Variants in CYB5R3 observed in about 807,000 individuals in gnomAD.
The protein encoded by CYB5R3 is NADH-cytochrome b5 reductase 3.
Under a neutral mutation model 36.5 loss-of-function variants are expected in CYB5R3, and 28 were observed. The ratio of observed to expected loss-of-function variants is 0.77; its 90% CI spans 0.57 to 1.05. The LOEUF is 1.05. Ranked by LOEUF, CYB5R3 falls within the 50% of genes least tolerant of loss-of-function variation. The pLI, the probability that CYB5R3 is intolerant of heterozygous loss-of-function variation, is 0.00. For synonymous variants in CYB5R3, 181 were observed against 159.8 expected (o/e 1.13, Z -1.00); for missense variants, 474 against 408.9 (o/e 1.16, Z -1.37).
rs548599088 is a variant in CYB5R3, at chr22:42,622,505, C to G, written c.733+1284G>C. ...CAGGACAGCAGGTCCAGCCAGAGGC[C>G]GGACACGGTGACAACCCACACATCC... On this transcript the variant is annotated intron_variant, in intron 8 of 8. Transcript: ENST00000352397. Among the ~76,000 whole-genome samples the G allele has an allele frequency of 3.3e-5, 5 of 152,222 alleles. No individual in the cohort carries two copies. In the East Asian group the frequency reaches 7.7e-4, roughly 23 times the overall value.
At chr22:42,644,324 T>C in intron 1 of CYB5R3, 1 of 694,380 alleles carries the variant, frequency 1.4e-6, no homozygotes, top group Admixed American at 2.0e-5. Flanking sequence ...CCTCCTCAAA[T>C]ACCCACCATA....
chr22:42,644,280 G>GCC, intron 1 of CYB5R3: 2 of 654,354 alleles, frequency 3.1e-6, no homozygotes, highest in Non-Finnish European at 5.6e-6. Flanking sequence ...CCTGCCCCCA[G>GCC]CCCCGGGGGT....
chr22:42,641,775 A>C (rs1010000483), intron 1 of CYB5R3, among the ~76,000 whole-genome samples: 1 of 151,954 alleles, frequency 6.6e-6, no homozygotes, highest in Non-Finnish European at 1.5e-5. Flanking sequence ...CATGAGCCAC[A>C]GCGCCTGGCC....
chr22:42,646,864 A>C (rs1233833965), intron 1 of CYB5R3: 1 of 985,420 alleles, frequency 1.0e-6, no homozygotes, highest in Non-Finnish European at 1.2e-6. Context: ...CAGGGACAGT[A>C]GGAAAGCCCG....
chr22:42,622,644 G>C (rs1342827702), intron 8 of CYB5R3, among the ~76,000 whole-genome samples: 1 of 152,198 alleles, frequency 6.6e-6, no homozygotes, highest in Non-Finnish European at 1.5e-5. Context: ...GCTCCTAGGT[G>C]CTAGCCAGGT....
At chr22:42,639,853 T>C (rs1929143184) in intron 1 of CYB5R3, 12 of 1,263,344 alleles carry the variant, frequency 9.5e-6, no homozygotes, top group Non-Finnish European at 1.3e-5. Flanking sequence ...CTTTTTTTTT[T>C]TTTTGGAATT....
rs753499270 is a variant in CYB5R3 at position 42,636,732 on chromosome 22, G to T, written c.136C>A (p.Arg46=). Residue 46 remains arginine (R), a synonymous_variant, in exon 2 of 9, where the codon CGG becomes AGG. Coordinates refer to ENST00000352397, the MANE Select transcript of CYB5R3 (RefSeq NM_000398.7). ...LESPDIKYPL[R]LIDREIISHD... is the part of the protein sequence containing the mutation. ...GCACTCACCTCCCGGTCGATGAGCCGCAGCGGGTACTTGATGTCCGGGCTC... is the reference window on the plus strand; with the variant it reads ...GCACTCACCTCCCGGTCGATGAGCCTCAGCGGGTACTTGATGTCCGGGCTC... 3.1e-6 allele frequency: 5 copies of T among 1,612,474 alleles called. No homozygotes were observed. In the Admixed American group the frequency reaches 5.0e-5, roughly 16 times the overall value.
At chr22:42,624,882 G>A (rs896557024) in intron 7 of CYB5R3, among the ~76,000 whole-genome samples, 8 of 152,116 alleles carry the variant, frequency 5.3e-5, no homozygotes, top group African/African-American at 1.9e-4. Flanking sequence ...CCCACCCTCC[G>A]CGTAGCCCAA....
Position 42,634,508 on chromosome 22 carries a change from G to A in CYB5R3, c.153+2207C>T, listed in dbSNP as rs547547180. On this transcript the variant is annotated intron_variant, in intron 2 of 8. Transcript: ENST00000352397. ...GTCACCCAGGCTGGAGTGCAATGGT[G>A]TGATCTTGGCTCACTGCAACCTCTG... Among the ~76,000 whole-genome samples, 124 of 151,264 alleles carry A rather than the reference G, an allele frequency of 8.2e-4. 2 individuals carry two copies. The highest frequency in any genetic ancestry group is 3.7e-4 in the Non-Finnish European group (25 of 67,822).
At position 42,619,902 on chromosome 22, in the gene CYB5R3, C is replaced by T; in HGVS notation, c.777G>A (p.Arg259=). ...CCTCCTCTGGGGGTGGAAGGTGGTC[C>T]CGGATCATCTCCTCATTCACGAAGC... ...GQGFVNEEMI[R]DHLPPPEEEP... Residue 259 remains arginine, a synonymous_variant, in exon 9 of 9, where the codon CGG becomes CGA. Transcript: ENST00000352397. The T allele has an allele frequency of 6.2e-7, 1 of 1,608,078 alleles. No homozygotes were observed. The highest frequency in any genetic ancestry group is 8.5e-7 in the Non-Finnish European group (1 of 1,177,480).
chr22:42,619,893 A>T lies in CYB5R3; in HGVS notation c.786T>A (p.Leu262=). 1 of 1,608,400 alleles carries T rather than the reference A, an allele frequency of 6.2e-7. No homozygotes were observed. Among genetic ancestry groups the T allele is most frequent in the Non-Finnish European group, 8.5e-7 (1 of 1,177,734 alleles). ...FVNEEMIRDH[L]PPPEEEPLVL... The stretch of plus-strand genomic sequence containing the variant: ...CCAGCGGCTCCTCCTCTGGGGGTGG[A>T]AGGTGGTCCCGGATCATCTCCTCAT... Residue 262 remains leucine, a synonymous_variant, in exon 9 of 9, where the codon CTT becomes CTA. Coordinates refer to ENST00000352397, the MANE Select transcript of CYB5R3 (RefSeq NM_000398.7).
intron 1 of CYB5R3, among the ~76,000 whole-genome samples, chr22:42,639,629 C>CAA (rs112945823): frequency 0.15 from 22,944 of 148,078 alleles, 2,292 homozygotes; most frequent in East Asian, 0.58. Flanking sequence ...GACTCCATCT[C>CAA]AAAAAAAAAA....
At position 42,623,877 on chromosome 22, in the gene CYB5R3, G is replaced by A. The variant is rs1949936802; in HGVS notation, c.645C>T (p.Asp215=). The change falls in exon 8 of 9, where the codon GAC becomes GAT. Residue 215 remains aspartate, a synonymous_variant. Transcript: ENST00000352397. ...CCTCCAGCTCAGGTCGCAGCAGGAT[G>A]TCCTTCTCGGTCTGCAGGGGACAGG... ...HLLFANQTEK[D]ILLRPELEEL... is the part of the protein sequence containing the mutation. 1.9e-6 allele frequency: 3 copies of A among 1,613,926 alleles called. No individual in the cohort carries two copies. In the African/African-American group the frequency reaches 4.0e-5, roughly 22 times the overall value.
Position 42,618,116 on chromosome 22 carries a change from C to G in CYB5R3, c.*1657G>C, listed in dbSNP as rs1478382804. 1.3e-5 allele frequency: 2 copies of G among 152,338 alleles called. No individual in the cohort carries two copies. Among genetic ancestry groups the G allele is most frequent in the Non-Finnish European group, 2.9e-5 (2 of 68,130 alleles). 9.4% of individuals were successfully genotyped at this position (152,338 alleles called of 1,614,324 possible). On this transcript the variant is annotated 3_prime_UTR_variant, in exon 9 of 9. Transcript: ENST00000352397. ...ATCTGACCCTGACAGGAGGCAGCAG[C>G]CTCGCGGTGCATTGGGGTGACTGGG... is the stretch of plus-strand genomic sequence containing the variant.
rs121965013 is a variant in CYB5R3, at chr22:42,631,386, A to C, written c.218T>G (p.Leu73Arg). 6.4e-7 allele frequency: 1 copy of C among 1,551,362 alleles called. No individual in the cohort carries two copies. Among genetic ancestry groups the C allele is most frequent in the African/African-American group, 1.4e-5 (1 of 73,030 alleles). Reference sequence around the variant, plus strand: ...GCAGGGGCGTGACTCACCGACAGGGAGGCCCAGGATGTGCTGGGGTGACGG... The same window carrying C: ...GCAGGGGCGTGACTCACCGACAGGGCGGCCCAGGATGTGCTGGGGTGACGG... ...ALPSPQHILG[L>R]PVGQHIYLSA... The change falls in exon 3 of 9, where the codon CTC (leucine) becomes CGC (arginine). Residue 73 changes from leucine (L) to arginine (R), a missense_variant. Leu to Arg is a moderately radical substitution (Grantham distance 102, BLOSUM62 -2). Coordinates refer to ENST00000352397, the MANE Select transcript of CYB5R3 (RefSeq NM_000398.7).
chr22:42,626,179 C>T (rs572229220), intron 7 of CYB5R3, among the ~76,000 whole-genome samples: 4 of 151,998 alleles, frequency 2.6e-5, no homozygotes, highest in Non-Finnish European at 4.4e-5. Flanking sequence ...CATGGTGGCA[C>T]ACATCCTGTA....
At chr22:42,641,614 T>C (rs1929277557) in intron 1 of CYB5R3, among the ~76,000 whole-genome samples, 1 of 152,130 alleles carries the variant, frequency 6.6e-6, no homozygotes, top group South Asian at 2.1e-4. Flanking sequence ...GCATCCCAAG[T>C]GGGTGGGATT....
intron 1 of CYB5R3, among the ~76,000 whole-genome samples, chr22:42,638,728 T>TTAAAAAAAAAAAAAAAA (rs1569324852): frequency 2.1e-5 from 1 of 47,488 alleles, no homozygotes; most frequent in African/African-American, 1.1e-4. Flanking sequence ...CAAGACTCCA[T>TTAAAAAAAAAAAAAAAA]AAAAAAAAAA....
intron 8 of CYB5R3, among the ~76,000 whole-genome samples, chr22:42,622,417 G>T (rs892569260): frequency 2.6e-5 from 4 of 152,176 alleles, no homozygotes; most frequent in African/African-American, 9.6e-5. Context: ...GTCAGCTGCG[G>T]GGTCAGGTTG....
Sources: allele counts gnomAD v4.1 joint callset (sites outside exome capture counted in the v4.1 genomes callset), GRCh38; gene constraint gnomAD v4.1.1; transcripts MANE v1.5; gene names NCBI Gene and HGNC (gene_info 2026-07-23, HGNC 2026-07-21).